Variants in TRPC4 observed in about 807,000 individuals in gnomAD.
The protein encoded by TRPC4 is short transient receptor potential channel 4.
A neutral mutation model predicts 99.4 loss-of-function variants in TRPC4; 49 were observed. The ratio of observed to expected loss-of-function variants is 0.49; its 90% confidence interval spans 0.39 to 0.63. The LOEUF (loss-of-function observed/expected upper bound fraction) is 0.63. TRPC4 is among the 20% of genes least tolerant of loss of function. TRPC4 has a pLI of 0.00. For missense variants in TRPC4, 898 were observed against 1,152.9 expected, an observed-to-expected ratio of 0.78 and a Z score of 3.20; for synonymous variants, 454 against 425.9, an observed-to-expected ratio of 1.07 and a Z score of -0.81.
chr13:37,742,418 G>A (rs1353823352), intron 3 of TRPC4, among the ~76,000 whole-genome samples: 2 of 152,152 alleles, frequency 1.3e-5, no homozygotes, highest in Non-Finnish European at 2.9e-5. Context: ...ATTCATTACT[G>A]AGCACCTTCT....
chr13:37,702,767 G>A (rs17056482), intron 3 of TRPC4, among the ~76,000 whole-genome samples: 1,740 of 152,216 alleles, frequency 0.011, 34 homozygotes, highest in African/African-American at 0.04. Context: ...TACATAATGC[G>A]ATTTTCGAAG....
At chr13:37,660,759 C>T (rs1406222191) in intron 6 of TRPC4, among the ~76,000 whole-genome samples, 3 of 151,834 alleles carry the variant, frequency 2.0e-5, no homozygotes, top group Admixed American at 6.6e-5. Context: ...AATAAGGTCT[C>T]GGAAATAGTG....
At chr13:37,862,462 C>CTGTTT (rs1377141911) in intron 1 of TRPC4, among the ~76,000 whole-genome samples, 1 of 151,520 alleles carries the variant, frequency 6.6e-6, no homozygotes, top group Non-Finnish European at 1.5e-5. Context: ...TTAAGTCCTA[C>CTGTTT]TCTTACGGAA....
chr13:37,830,225 TG>T (rs1279837444), intron 1 of TRPC4, among the ~76,000 whole-genome samples: 1 of 152,080 alleles, frequency 6.6e-6, no homozygotes, highest in African/African-American at 2.4e-5. Flanking sequence ...CACATAAATG[TG>T]GTAAAATTTC....
At chr13:37,803,410 TTA>T (rs535857314) in intron 1 of TRPC4, among the ~76,000 whole-genome samples, 173 of 152,074 alleles carry the variant, frequency 1.1e-3, no homozygotes, top group African/African-American at 4.0e-3. Context: ...TAGAGACACA[TTA>T]TTTTTTTTCC....
chr13:37,804,547 A>T (rs1957482295), intron 1 of TRPC4, among the ~76,000 whole-genome samples: 2 of 152,124 alleles, frequency 1.3e-5, no homozygotes, highest in Admixed American at 1.3e-4. Flanking sequence ...TTTCAACTAC[A>T]AAGGTTTTTA....
intron 8 of TRPC4, among the ~76,000 whole-genome samples, chr13:37,642,731 T>TC (rs1491039408): frequency 2.2e-3 from 2 of 930 alleles, no homozygotes; most frequent in Admixed American, 0.034. Context: ...TGATTCTTTC[T>TC]TTTTCTTTTT....
intron 2 of TRPC4, among the ~76,000 whole-genome samples, chr13:37,777,957 A>G: frequency 6.6e-6 from 1 of 151,976 alleles, no homozygotes; most frequent in South Asian, 2.1e-4. Context: ...ACAGCTTCTA[A>G]TGACTTTGTT....
At position 37,635,312 on chromosome 13, in the gene TRPC4, C is replaced by T. The variant is rs934153770; in HGVS notation, c.*1591G>A. On this transcript the variant is annotated 3_prime_UTR_variant, in exon 11 of 11. Transcript: ENST00000379705. ...GGACACATCACAGCTCCATCATGAG[C>T]TGTATTACCTTAGCCAGTTAGTGCT... 5.3e-5 allele frequency among the ~76,000 whole-genome samples: 8 copies of T among 152,072 alleles called. No individual in the cohort carries two copies. Among genetic ancestry groups the T allele is most frequent in the Non-Finnish European group, 1.0e-4 (7 of 68,004 alleles).
chr13:37,815,672 A>G (rs751110664), intron 1 of TRPC4, among the ~76,000 whole-genome samples: 1 of 152,030 alleles, frequency 6.6e-6, no homozygotes, highest in South Asian at 2.1e-4. Flanking sequence ...AAAGTGGAAG[A>G]CTTCAAGACC....
At chr13:37,854,535 A>G (rs965761921) in intron 1 of TRPC4, among the ~76,000 whole-genome samples, 73 of 152,126 alleles carry the variant, frequency 4.8e-4, no homozygotes, top group Non-Finnish European at 8.8e-5. Context: ...ACAGAATACC[A>G]TAACACTGCA....
intron 2 of TRPC4, among the ~76,000 whole-genome samples, chr13:37,756,966 T>G (rs936330454): frequency 1.3e-5 from 2 of 152,118 alleles, no homozygotes; most frequent in African/African-American, 4.8e-5. Context: ...TAAATTTTTG[T>G]GTGCCATGGA....
rs767662289 is a variant in TRPC4 at position 37,637,519 on chromosome 13, T to C, written c.2318A>G (p.Asn773Ser). ...ACTCTTTTCATCTGAGTCTGCCGAA[T>C]TTGAAGACTCCTTCGAGGCATTCGC... ...QSANASKESSNSADSDEKSDS... is the reference protein window; with the variant it reads ...QSANASKESSSSADSDEKSDS... The change falls in exon 11 of 11, where the codon AAT becomes AGT. Residue 773 changes from asparagine (N) to serine (S), a missense_variant. By Grantham distance (46) the Asn-to-Ser change is conservative (BLOSUM62 1). Around this residue, in one of 3 missense-constraint regions of TRPC4, gnomAD observed 346 missense variants for 351.4 expected, o/e 0.98. Coordinates refer to ENST00000379705, the MANE Select transcript of TRPC4 (RefSeq NM_016179.4). The C allele has an allele frequency of 4.3e-6, 7 of 1,613,858 alleles. No homozygotes were observed. Among genetic ancestry groups the C allele is most frequent in the Non-Finnish European group, 5.9e-6 (7 of 1,179,810 alleles).
intron 5 of TRPC4, among the ~76,000 whole-genome samples, chr13:37,665,857 A>T (rs891858329): frequency 1.3e-5 from 2 of 151,702 alleles, no homozygotes; most frequent in Admixed American, 6.6e-5. Flanking sequence ...AAAAAAAAAA[A>T]AAAAAATACA....
chr13:37,781,979 A>G (rs1012581952), intron 2 of TRPC4, among the ~76,000 whole-genome samples: 2 of 152,136 alleles, frequency 1.3e-5, no homozygotes, highest in Admixed American at 6.6e-5. Flanking sequence ...AGATGTGTAT[A>G]TTATCAAATA....
intron 4 of TRPC4, among the ~76,000 whole-genome samples, chr13:37,682,056 C>T (rs1327131389): frequency 6.6e-6 from 1 of 152,188 alleles, no homozygotes; most frequent in Non-Finnish European, 1.5e-5. Context: ...TCAGATGCCA[C>T]ATTTAACAGC....
At chr13:37,824,279 A>G (rs1298829676) in intron 1 of TRPC4, among the ~76,000 whole-genome samples, 4 of 142,366 alleles carry the variant, frequency 2.8e-5, no homozygotes, top group Non-Finnish European at 4.6e-5. Flanking sequence ...TCTCCTGCCT[A>G]ATTGCCCTGG....
chr13:37,800,178 G>A (rs192337255), intron 1 of TRPC4, among the ~76,000 whole-genome samples: 12 of 152,252 alleles, frequency 7.9e-5, no homozygotes, highest in Admixed American at 5.9e-4. Flanking sequence ...TAATTAAAAT[G>A]TAATGATTAT....
intron 1 of TRPC4, among the ~76,000 whole-genome samples, chr13:37,808,714 A>G (rs1212789467): frequency 6.6e-6 from 1 of 152,084 alleles, no homozygotes; most frequent in South Asian, 2.1e-4. Flanking sequence ...TAAGCATGGT[A>G]TGAGATCAGC....
Sources: allele counts gnomAD v4.1 joint callset (sites outside exome capture counted in the v4.1 genomes callset), GRCh38; gene constraint gnomAD v4.1.1; regional missense constraint gnomAD v4.1.1; transcripts MANE v1.5; gene names NCBI Gene and HGNC (gene_info 2026-07-23, HGNC 2026-07-21).